The following GABRP variants were observed in gnomAD, a reference collection of about 807,000 sequenced individuals.
GABRP encodes gamma-aminobutyric acid receptor subunit pi.
Under a neutral mutation model 47.8 loss-of-function variants are expected in GABRP, and 52 were observed. The ratio of observed to expected loss-of-function variants is 1.09; its 90% CI spans 0.87 to 1.37. The LOEUF (loss-of-function observed/expected upper bound fraction) is 1.37. Ranked by LOEUF, GABRP falls within the 40% of genes most tolerant of loss-of-function variation. The pLI, the probability that GABRP is intolerant of heterozygous loss-of-function variation, is 0.00. For synonymous variants in GABRP, 221 were observed against 205.8 expected, an observed-to-expected ratio of 1.07 and a Z score of -0.63; for missense variants, 525 against 542.8, an observed-to-expected ratio of 0.97 and a Z score of 0.33.
rs200959933 is a variant in GABRP at position 170,788,683 on chromosome 5, C to T, written c.53+15C>T. 208 of 1,613,190 alleles carry T rather than the reference C, an allele frequency of 1.3e-4. No homozygotes were observed. In the African/African-American group the frequency reaches 2.2e-3, roughly 17 times the overall value. ...TTCACTGAGAGGTGAGCTTTGCTAC[C>T]CCCAGAATGGCCTCCATCTGCGTTG... On this transcript the variant is annotated intron_variant, in intron 2 of 9. Transcript: ENST00000265294.
intron 9 of GABRP, among the ~76,000 whole-genome samples, chr5:170,810,979 T>C (rs757506145): frequency 2.0e-5 from 3 of 151,578 alleles, no homozygotes; most frequent in Non-Finnish European, 2.9e-5. Context: ...AAAATGGACA[T>C]TGGTGAAATA....
chr5:170,795,144 C>A, intron 4 of GABRP, 64 bp from the exon 5 acceptor site: 1 of 1,171,034 alleles, frequency 8.5e-7, no homozygotes, highest in Non-Finnish European at 1.3e-6. Context: ...CACTTTCCTC[C>A]ATTTGGTGGG....
At chr5:170,795,826 C>T (rs1343853947) in intron 5 of GABRP, among the ~76,000 whole-genome samples, 1 of 152,168 alleles carries the variant, frequency 6.6e-6, no homozygotes, top group Non-Finnish European at 1.5e-5. Flanking sequence ...AGGGCAATGG[C>T]AGAGACGACA....
intron 3 of GABRP, among the ~76,000 whole-genome samples, chr5:170,792,246 C>T (rs530825524): frequency 5.3e-5 from 8 of 152,194 alleles, no homozygotes; most frequent in African/African-American, 1.9e-4. Context: ...AGTTAGAGAC[C>T]AGCCTGGTCA....
intron 6 of GABRP, among the ~76,000 whole-genome samples, chr5:170,798,425 A>C (rs1765496133): frequency 6.6e-6 from 1 of 152,206 alleles, no homozygotes; most frequent in East Asian, 1.9e-4. Context: ...AAACGTTTTA[A>C]ACCATGGAAT....
At chr5:170,806,689 G>A (rs762857932) in intron 7 of GABRP, among the ~76,000 whole-genome samples, 11 of 151,980 alleles carry the variant, frequency 7.2e-5, no homozygotes, top group South Asian at 2.1e-4. Context: ...TGATCCACCC[G>A]CCTTGGCCTC....
rs1419609290 is a variant in GABRP at position 170,812,218 on chromosome 5, T to A, written c.1283T>A (p.Leu428Gln). 1 of 1,613,878 alleles carries A rather than the reference T, an allele frequency of 6.2e-7. No homozygotes were observed. The change falls in exon 10 of 10, where the codon CTA (leucine) becomes CAA (glutamine). Residue 428 changes from leucine to glutamine, a missense_variant. Physicochemically the swap from Leu to Gln is moderately radical, Grantham distance 113. Coordinates refer to ENST00000265294, the MANE Select transcript of GABRP (RefSeq NM_014211.3). ...SKLLFPLIFM[L>Q]ANVFYWAYYM... ...CTACTGTTTCCTTTGATTTTTATGC[T>A]AGCCAATGTATTTTACTGGGCATAC... is the stretch of plus-strand genomic sequence containing the variant.
intron 9 of GABRP, 121 bp downstream of exon 9, chr5:170,809,876 A>G: frequency 1.1e-6 from 1 of 922,818 alleles, no homozygotes; most frequent in Middle Eastern, 2.2e-4. Flanking sequence ...TGCTCCAGTG[A>G]GTCTTATCCT....
intron 1 of GABRP, among the ~76,000 whole-genome samples, chr5:170,784,865 G>T (rs1480126209): frequency 6.6e-6 from 1 of 152,194 alleles, no homozygotes; most frequent in Non-Finnish European, 1.5e-5. Context: ...ATGCCCTCGG[G>T]GCAGGATAAT....
In GABRP at chr5:170,812,636, T is replaced by A. The variant is rs1000240872; in HGVS notation, c.*378T>A. Reference sequence around the variant, plus strand: ...CAAGTGTCAGAAGTTGTTTCTAAAGTAACTATACATGTTTTTTACTAAATC... The same window carrying A: ...CAAGTGTCAGAAGTTGTTTCTAAAGAAACTATACATGTTTTTTACTAAATC... On this transcript the variant is annotated 3_prime_UTR_variant, in exon 10 of 10. Coordinates refer to ENST00000265294, the MANE Select transcript of GABRP (RefSeq NM_014211.3). The A allele has an allele frequency of 1.1e-5, 2 of 181,136 alleles. No individual in the cohort carries two copies. Among genetic ancestry groups the A allele is most frequent in the Non-Finnish European group, 2.4e-5 (2 of 84,590 alleles). 11.2% of individuals were successfully genotyped at this position (181,136 alleles called of 1,614,324 possible). A position where few individuals can be genotyped will look rare whatever the true frequency, so the allele number is the denominator to read the frequency against.
intron 1 of GABRP, among the ~76,000 whole-genome samples, chr5:170,785,852 A>G (rs911224044): frequency 6.6e-6 from 1 of 152,206 alleles, no homozygotes; most frequent in Non-Finnish European, 1.5e-5. Flanking sequence ...AGCATGTGGG[A>G]GAGAGGCCGT....
In GABRP at chr5:170,797,559, A is replaced by C; in HGVS notation, c.541+11A>C. ...TGCAGCTGGAAAGCTGTAAGTATAC[A>C]TCCTACAGGCTCCTGAGATGATTTT... On this transcript the variant is annotated intron_variant, in intron 6 of 9. Coordinates refer to ENST00000265294, the MANE Select transcript of GABRP (RefSeq NM_014211.3). 1 of 1,545,342 alleles carries C rather than the reference A, an allele frequency of 6.5e-7. No homozygotes were observed. Among genetic ancestry groups the C allele is most frequent in the Non-Finnish European group, 8.9e-7 (1 of 1,117,770 alleles).
intron 9 of GABRP, among the ~76,000 whole-genome samples, chr5:170,810,260 C>T (rs1206145957): frequency 6.6e-6 from 1 of 151,202 alleles, no homozygotes; most frequent in African/African-American, 2.4e-5. Flanking sequence ...AGCAATGGAA[C>T]ACTATAGTCC....
At chr5:170,783,601 ACCAGACGATCTCCAGACACTCAGG>A (rs1765057470), upstream of GABRP, 1 of 66,654 alleles carries the variant, frequency 1.5e-5, no homozygotes, top group Non-Finnish European at 4.0e-5. Context: ...GAAACTCAGG[ACCAGACGATCTCCAGACACTCAGG>A]ACAAGTCAGT....
chr5:170,795,207 G>A lies in GABRP; in HGVS notation c.241-1G>A. On this transcript the variant is annotated splice_acceptor_variant, in intron 4 of 9. Transcript: ENST00000265294. LOFTEE classifies it high-confidence loss of function. Reference sequence around the variant, plus strand: ...TTCCATACCCTGCCTCCCCCTCCCAGGACTACACAGCCACCATATACCTCC... The same window carrying A: ...TTCCATACCCTGCCTCCCCCTCCCAAGACTACACAGCCACCATATACCTCC... 1 of 1,611,836 alleles carries A rather than the reference G, an allele frequency of 6.2e-7. No individual in the cohort carries two copies.
intron 7 of GABRP, 47 bp downstream of exon 7, chr5:170,805,900 G>T (rs143232586): frequency 1.4e-4 from 224 of 1,595,092 alleles, no homozygotes; most frequent in Non-Finnish European, 1.7e-4. Flanking sequence ...GTGAACTGAG[G>T]TGTAGGGTTG....
At position 170,812,380 on chromosome 5, in the gene GABRP, T is replaced by G. The variant is rs1462335228; in HGVS notation, c.*122T>G. The G allele has an allele frequency of 4.1e-6, 3 of 740,664 alleles. No individual in the cohort carries two copies. In the East Asian group the frequency reaches 7.6e-5, roughly 19 times the overall value. 45.9% of individuals were successfully genotyped at this position (740,664 alleles called of 1,614,324 possible). ...TGCTACAAGTGACTGAAATAATATT[T>G]GAGTCTTTCTGCTCAAAGAATGAAG... On this transcript the variant is annotated 3_prime_UTR_variant, in exon 10 of 10. Coordinates refer to ENST00000265294, the MANE Select transcript of GABRP (RefSeq NM_014211.3).
At chr5:170,793,137 C>A (rs1388765719) in intron 3 of GABRP, among the ~76,000 whole-genome samples, 1 of 152,154 alleles carries the variant, frequency 6.6e-6, no homozygotes, top group African/African-American at 2.4e-5. Context: ...CCCATTGCCG[C>A]CACTCCACAA....
In GABRP at chr5:170,796,593, C is replaced by T. The variant is rs545344394; in HGVS notation, c.459-873C>T. Among the ~76,000 whole-genome samples, 8 of 152,304 alleles carry T rather than the reference C, an allele frequency of 5.3e-5. No individual in the cohort carries two copies. The East Asian group carries it at 1.4e-3, about 26-fold the overall frequency. On this transcript the variant is annotated intron_variant, in intron 5 of 9. Transcript: ENST00000265294. ...ACTCTCAGAGCCTCAGTTTCATCAG[C>T]AGTAAAATGAGAATTAAAATATTTC... is the stretch of plus-strand genomic sequence containing the variant.
Sources: gnomAD v4.1 joint callset for allele counts (sites outside exome capture counted in the v4.1 genomes callset) on GRCh38, gnomAD v4.1.1 for gene constraint, MANE v1.5 for transcripts, NCBI Gene and HGNC (gene_info 2026-07-23, HGNC 2026-07-21) for gene names.